Variants in KCND2 observed in about 807,000 individuals in gnomAD.
The protein encoded by KCND2 is A-type voltage-gated potassium channel KCND2.
In KCND2, 16 loss-of-function variants were observed where a neutral mutation model predicts 54.4. The observed-to-expected ratio is 0.29, with a 90% CI of 0.20 to 0.45. KCND2 has a LOEUF of 0.45. Among genes scored for constraint, KCND2 ranks in the 20% least tolerant of loss-of-function variants. KCND2 has a pLI of 1.00. For synonymous variants in KCND2, 317 were observed against 310.7 expected (o/e 1.02, Z -0.21); for missense variants, 486 against 824.2 (o/e 0.59, Z 5.02).
intron 1 of KCND2, among the ~76,000 whole-genome samples, chr7:120,706,970 G>T (rs1001015316): frequency 6.6e-6 from 1 of 151,924 alleles, no homozygotes; most frequent in African/African-American, 2.4e-5. Context: ...GATAGTTGAG[G>T]TACAAAACAC....
intron 1 of KCND2, among the ~76,000 whole-genome samples, chr7:120,341,150 A>G (rs532876199): frequency 1.3e-5 from 2 of 152,262 alleles, no homozygotes; most frequent in East Asian, 3.9e-4. Flanking sequence ...CTCCCTGGTT[A>G]CTTCAATTTT....
At chr7:120,640,620 T>C (rs1793359877) in intron 1 of KCND2, among the ~76,000 whole-genome samples, 1 of 151,862 alleles carries the variant, frequency 6.6e-6, no homozygotes. Flanking sequence ...AAGTATCAAA[T>C]GTCCAAAAAA....
intron 1 of KCND2, among the ~76,000 whole-genome samples, chr7:120,590,288 G>A (rs996931774): frequency 5.7e-4 from 86 of 152,128 alleles, no homozygotes; most frequent in African/African-American, 2.0e-3. Context: ...AAAGTGCTGG[G>A]ATACAGGCGT....
intron 2 of KCND2, among the ~76,000 whole-genome samples, chr7:120,741,094 G>C (rs919611727): frequency 6.6e-6 from 1 of 151,594 alleles, no homozygotes; most frequent in Non-Finnish European, 1.5e-5. Flanking sequence ...TCAGTTCTTG[G>C]TACTTAGTTA....
chr7:120,359,730 A>G (rs1356057826), intron 1 of KCND2, among the ~76,000 whole-genome samples: 2 of 152,058 alleles, frequency 1.3e-5, no homozygotes, highest in Non-Finnish European at 2.9e-5. Context: ...CCCAAATTTC[A>G]TTTTGAATTG....
chr7:120,510,424 A>T (rs1803095968), intron 1 of KCND2, among the ~76,000 whole-genome samples: 1 of 152,126 alleles, frequency 6.6e-6, no homozygotes. Context: ...TTTGCCTCTC[A>T]GAATCTTGTC....
chr7:120,704,421 C>T (rs1211889602), intron 1 of KCND2, among the ~76,000 whole-genome samples: 1 of 152,162 alleles, frequency 6.6e-6, no homozygotes, highest in East Asian at 1.9e-4. Flanking sequence ...ATTCTTAAAT[C>T]TTAAAGCTCT....
rs1245688920 is a variant in KCND2 at position 120,273,275 on chromosome 7, G to C, written c.-1358G>C. Among the ~76,000 whole-genome samples the C allele has an allele frequency of 1.3e-5, 2 of 151,610 alleles. No homozygotes were observed. The highest frequency in any genetic ancestry group is 3.0e-5 in the Non-Finnish European group (2 of 67,772). On this transcript the variant is annotated 5_prime_UTR_variant, in exon 1 of 6. Transcript: ENST00000331113. Reference sequence around the variant, plus strand: ...GCGCGGGGAGCCCGGGGAGATGCAGGACCACCCACTGGCGGGGAAGCAGCT... The same window carrying C: ...GCGCGGGGAGCCCGGGGAGATGCAGCACCACCCACTGGCGGGGAAGCAGCT...
chr7:120,696,226 T>C (rs575045116), intron 1 of KCND2, among the ~76,000 whole-genome samples: 94 of 152,342 alleles, frequency 6.2e-4, no homozygotes, highest in East Asian at 7.7e-4. Flanking sequence ...CGGTAATGAA[T>C]AGGTAAAAGG....
At chr7:120,382,993 AC>A (rs2116031237) in intron 1 of KCND2, among the ~76,000 whole-genome samples, 1 of 152,108 alleles carries the variant, frequency 6.6e-6, no homozygotes, top group East Asian at 1.9e-4. Context: ...AAATGACATT[AC>A]CTTTCCTGTC....
chr7:120,500,800 T>C (rs1802920432), intron 1 of KCND2, among the ~76,000 whole-genome samples: 1 of 150,076 alleles, frequency 6.7e-6, no homozygotes, highest in Non-Finnish European at 1.5e-5. Context: ...AAATTATATT[T>C]ATTTATATTA....
At chr7:120,738,462 A>G (rs535270049) in intron 2 of KCND2, among the ~76,000 whole-genome samples, 13 of 152,232 alleles carry the variant, frequency 8.5e-5, no homozygotes, top group Middle Eastern at 3.4e-3. Flanking sequence ...GAGACAGACA[A>G]CTTTTTTCCA....
chr7:120,560,745 C>G (rs961975211), intron 1 of KCND2, among the ~76,000 whole-genome samples: 1 of 152,196 alleles, frequency 6.6e-6, no homozygotes, highest in Non-Finnish European at 1.5e-5. Context: ...TTGAAATTTT[C>G]TACACCATGT....
chr7:120,334,584 A>G (rs1464971500), intron 1 of KCND2, among the ~76,000 whole-genome samples: 3 of 152,074 alleles, frequency 2.0e-5, no homozygotes, highest in African/African-American at 7.2e-5. Context: ...ACTTAGTAAC[A>G]CTCTGTAAAA....
intron 4 of KCND2, among the ~76,000 whole-genome samples, chr7:120,743,003 A>G (rs531179786): frequency 2.0e-5 from 3 of 152,318 alleles, no homozygotes; most frequent in South Asian, 4.1e-4. Flanking sequence ...AGCAATAGCA[A>G]TAACAAAAAA....
At chr7:120,380,231 C>A (rs2116023751) in intron 1 of KCND2, among the ~76,000 whole-genome samples, 1 of 152,162 alleles carries the variant, frequency 6.6e-6, no homozygotes, top group South Asian at 2.1e-4. Context: ...AATTACTTTA[C>A]TAACATAATC....
intron 1 of KCND2, among the ~76,000 whole-genome samples, chr7:120,374,444 T>C (rs1187335277): frequency 2.0e-5 from 3 of 151,728 alleles, no homozygotes; most frequent in African/African-American, 7.2e-5. Flanking sequence ...CGAACTAGGG[T>C]TAATTACGTT....
chr7:120,536,275 A>G (rs567549665), intron 1 of KCND2, among the ~76,000 whole-genome samples: 2 of 152,278 alleles, frequency 1.3e-5, no homozygotes, highest in South Asian at 4.1e-4. Context: ...AATGTTAACA[A>G]TCATCTGGAC....
chr7:120,662,577 TGAG>T (rs1242870295), intron 1 of KCND2, among the ~76,000 whole-genome samples: 1 of 152,218 alleles, frequency 6.6e-6, no homozygotes, highest in African/African-American at 2.4e-5. Context: ...TTGTGATGTG[TGAG>T]GGGAAGCACA....
Sources: allele counts gnomAD v4.1 joint callset (sites outside exome capture counted in the v4.1 genomes callset), GRCh38; gene constraint gnomAD v4.1.1; transcripts MANE v1.5; gene names NCBI Gene and HGNC (gene_info 2026-07-23, HGNC 2026-07-21).